Variants in PRPF31 observed in about 807,000 individuals in gnomAD.
PRPF31 encodes pre-mRNA processing factor 31.
In PRPF31, 12 loss-of-function variants were observed where a neutral mutation model predicts 60.4. The ratio of observed to expected loss-of-function variants is 0.20; its 90% CI spans 0.13 to 0.32. The LOEUF (loss-of-function observed/expected upper bound fraction) is 0.32, where lower values mean the gene tolerates loss of function less well. PRPF31 is among the 10% of genes least tolerant of loss of function. PRPF31 has a pLI of 1.00. For synonymous variants in PRPF31, 287 were observed against 287.9 expected, an observed-to-expected ratio of 1.00 and a Z score of 0.03; for missense variants, 431 against 687.1, an observed-to-expected ratio of 0.63 and a Z score of 4.17.
At chr19:54,122,221 C>T in intron 4 of PRPF31, 1 of 620,544 alleles carries the variant, frequency 1.6e-6, no homozygotes, top group South Asian at 1.9e-5. Flanking sequence ...AGGTGACTGC[C>T]CCACCTCCAG....
At chr19:54,123,594 A>G in intron 6 of PRPF31, 34 bp downstream of exon 6, 2 of 1,610,522 alleles carry the variant, frequency 1.2e-6, no homozygotes, top group Non-Finnish European at 1.7e-6. Flanking sequence ...CCGGGCCCTA[A>G]TGGGATTGGG....
intron 1 of PRPF31, among the ~76,000 whole-genome samples, chr19:54,116,202 G>T (rs1310501021): frequency 7.0e-6 from 1 of 142,482 alleles, no homozygotes; most frequent in Non-Finnish European, 1.5e-5. Context: ...CGCCTGGCCA[G>T]TTGTTTGTTT....
chr19:54,116,174 T>C (rs2073628928), intron 1 of PRPF31, among the ~76,000 whole-genome samples: 1 of 150,738 alleles, frequency 6.6e-6, no homozygotes. Context: ...GTGCTGTGAT[T>C]ACAGGCATGA....
At chr19:54,122,098 G>A (rs1367632371) in intron 4 of PRPF31, 155 bp downstream of exon 4, 1 of 800,714 alleles carries the variant, frequency 1.2e-6, no homozygotes, top group East Asian at 2.7e-5. Context: ...AGAAGGAAGT[G>A]CGTTCTCTCG....
At position 54,128,314 on chromosome 19, in the gene PRPF31, G is replaced by A. The variant is rs1259352503; in HGVS notation, c.1083G>A (p.Lys361=). The A allele has an allele frequency of 9.4e-6, 11 of 1,173,602 alleles. No individual in the cohort carries two copies. Among genetic ancestry groups the A allele is most frequent in the Non-Finnish European group, 1.2e-5 (11 of 886,386 alleles). 72.7% of individuals were successfully genotyped at this position (1,173,602 alleles called of 1,614,324 possible). A position where few individuals can be genotyped will look rare whatever the true frequency, so the allele number is the denominator to read the frequency against. The part of the protein sequence containing the change: ...RKKRGGRRYR[K]MKERLGLTEI... ...ACCCACCCGTCCCCAGGTACCGCAA[G>A]ATGAAGGAGCGGCTGGGGCTGACGG... is the stretch of plus-strand genomic sequence containing the variant. The change falls in exon 11 of 14, where the codon AAG becomes AAA. Residue 361 remains lysine (K), a synonymous_variant. Transcript: ENST00000321030.
chr19:54,121,159 C>T (rs1056892341), intron 3 of PRPF31, among the ~76,000 whole-genome samples: 1 of 151,932 alleles, frequency 6.6e-6, no homozygotes, highest in African/African-American at 2.4e-5. Flanking sequence ...AAAAATTAGC[C>T]GGGCATGGTG....
chr19:54,128,510 C>CG (rs56079120), intron 11 of PRPF31, 133 bp downstream of exon 11: 87,813 of 938,226 alleles, frequency 0.094, 5,057 homozygotes, highest in South Asian at 0.13. Context: ...CCTCCCCCCC[C>CG]CCGGCCTCTA....
At chr19:54,122,707 G>T (rs587768967) in intron 5 of PRPF31, 113 bp downstream of exon 5, 3 of 876,736 alleles carry the variant, frequency 3.4e-6, no homozygotes, top group African/African-American at 1.6e-5. Flanking sequence ...AGGAGTGGAC[G>T]AGGGCTCAGT....
At position 54,118,399 on chromosome 19, in the gene PRPF31, C is replaced by G. The variant is rs878853332; in HGVS notation, c.121C>G (p.Leu41Val). ...AIEDVQEETQLDLSGDSVKTI... is the reference protein window; with the variant it reads ...AIEDVQEETQVDLSGDSVKTI... The stretch of plus-strand genomic sequence containing the variant: ...CGAGGATGTGCAGGAGGAGACACAG[C>G]TGGATCTTTCCGGGGATTCAGTCAA... The change falls in exon 2 of 14, where the codon CTG (leucine) becomes GTG (valine). Residue 41 changes from leucine (L) to valine (V), a missense_variant. This residue lies in a region of PRPF31 where 113 missense variants were observed against 173.8 expected (regional missense o/e 0.65). Transcript: ENST00000321030. 2 of 1,614,098 alleles carry G rather than the reference C, an allele frequency of 1.2e-6. No individual in the cohort carries two copies. Among genetic ancestry groups the G allele is most frequent in the Non-Finnish European group, 1.7e-6 (2 of 1,180,010 alleles).
chr19:54,122,861 T>C, intron 5 of PRPF31: 1 of 582,904 alleles, frequency 1.7e-6, no homozygotes, highest in East Asian at 2.9e-5. Context: ...GGCATTGGAG[T>C]TGACATCCGA....
intron 7 of PRPF31, 110 bp downstream of exon 7, chr19:54,124,028 C>T (rs965423139): frequency 9.7e-6 from 15 of 1,545,938 alleles, no homozygotes; most frequent in Non-Finnish European, 1.2e-5. Context: ...GACCTCAGCA[C>T]CCCGTCTCCC....
intron 13 of PRPF31, 82 bp downstream of exon 13, chr19:54,129,452 G>C: frequency 6.8e-7 from 1 of 1,472,158 alleles, no homozygotes; most frequent in Non-Finnish European, 9.2e-7. Flanking sequence ...AAGAAGGCCA[G>C]GATGAGTCTC....
At chr19:54,116,232 T>C (rs971973933) in intron 1 of PRPF31, among the ~76,000 whole-genome samples, 2 of 143,832 alleles carry the variant, frequency 1.4e-5, no homozygotes, top group Admixed American at 7.0e-5. Flanking sequence ...GAGACGGAGT[T>C]TCGCTCTTGT....
chr19:54,116,279 A>T (rs1238144315), intron 1 of PRPF31, among the ~76,000 whole-genome samples: 1 of 150,606 alleles, frequency 6.6e-6, no homozygotes, highest in Non-Finnish European at 1.5e-5. Flanking sequence ...ATCTCGGTTC[A>T]CTGCAACCTC....
intron 13 of PRPF31, 79 bp from the exon 14 acceptor site, chr19:54,131,228 G>T (rs1391210036): frequency 5.6e-5 from 88 of 1,577,720 alleles, no homozygotes; most frequent in African/African-American, 1.1e-4. Context: ...CATGGGGAAG[G>T]GCCTGGGGGG....
rs1422168874 is a variant in PRPF31, at chr19:54,124,485, C to T, written c.698-14C>T. On this transcript the variant is annotated splice_polypyrimidine_tract_variant and intron_variant, in intron 7 of 13. Coordinates refer to ENST00000321030, the MANE Select transcript of PRPF31 (RefSeq NM_015629.4). ...TTCTGACCGCCCCCCCTTCCTCCCT[C>T]CCTCCCACCGCAGGTGTGGCCGGCG... 1 of 1,569,426 alleles carries T rather than the reference C, an allele frequency of 6.4e-7. No individual in the cohort carries two copies. The highest frequency in any genetic ancestry group is 8.7e-7 in the Non-Finnish European group (1 of 1,155,372).
intron 1 of PRPF31, among the ~76,000 whole-genome samples, chr19:54,116,418 C>A (rs36204090): frequency 5.3e-4 from 81 of 151,956 alleles, no homozygotes; most frequent in Non-Finnish European, 1.1e-3. Context: ...GTTGGCCAGG[C>A]TGGTCTCCAA....
rs1296878069 is a variant in PRPF31 at position 54,123,669 on chromosome 19, C to T, written c.528-80C>T. 3.1e-6 allele frequency: 5 copies of T among 1,594,496 alleles called. No individual in the cohort carries two copies. In the African/African-American group the frequency reaches 6.7e-5, roughly 21 times the overall value. On this transcript the variant is annotated intron_variant, in intron 6 of 13. Transcript: ENST00000321030. ...ACACACATACACACATGCACACACACACACAGAACCGAGAGGGCTGGGGCT... is the reference window on the plus strand; with the variant it reads ...ACACACATACACACATGCACACACATACACAGAACCGAGAGGGCTGGGGCT...
At chr19:54,118,493 G>A in intron 2 of PRPF31, 38 bp downstream of exon 2, 1 of 1,614,046 alleles carries the variant, frequency 6.2e-7, no homozygotes, top group Non-Finnish European at 8.5e-7. Context: ...GGGGGCTCTA[G>A]ACAGAATCTC....
Sources: gnomAD v4.1 joint callset for allele counts (sites outside exome capture counted in the v4.1 genomes callset) on GRCh38, gnomAD v4.1.1 for gene constraint, gnomAD v4.1.1 regional missense constraint, MANE v1.5 for transcripts, NCBI Gene and HGNC (gene_info 2026-07-23, HGNC 2026-07-21) for gene names.